GABRA1: variants seen among roughly 807,000 people sequenced by gnomAD.
GABRA1 encodes the protein gamma-aminobutyric acid receptor subunit alpha-1.
Under a neutral mutation model 48.9 loss-of-function variants are expected in GABRA1, and 9 were observed. The ratio of observed to expected loss-of-function variants is 0.18; its 90% confidence interval spans 0.11 to 0.32. The LOEUF (loss-of-function observed/expected upper bound fraction) is 0.32, where lower values mean the gene tolerates loss of function less well. Ranked by LOEUF, GABRA1 falls within the 10% of genes least tolerant of loss-of-function variation. The pLI is 1.00. For missense variants in GABRA1, 285 were observed against 553.8 expected (o/e 0.51, Z 4.87); for synonymous variants, 210 against 198.7 (o/e 1.06, Z -0.48).
chr5:161,849,321 T>C (rs1469072237), intron 1 of GABRA1, among the ~76,000 whole-genome samples: 3 of 152,196 alleles, frequency 2.0e-5, no homozygotes, highest in Non-Finnish European at 4.4e-5. Context: ...AAGTTGTTTT[T>C]CCCTTGTAAC....
intron 6 of GABRA1, 130 bp downstream of exon 6, chr5:161,875,772 T>C (rs892301820): frequency 1.5e-5 from 11 of 736,272 alleles, no homozygotes; most frequent in Non-Finnish European, 2.5e-5. Context: ...ACATGGACTT[T>C]CCATAAGTAG....
chr5:161,897,562 C>A lies in GABRA1; in HGVS notation c.*140C>A. The A allele has an allele frequency of 1.2e-6, 1 of 832,020 alleles. No homozygotes were observed. Among genetic ancestry groups the A allele is most frequent in the Non-Finnish European group, 1.9e-6 (1 of 527,268 alleles). The allele number at this position is 832,020 out of a possible 1,614,324, so 51.5% of individuals were successfully genotyped here. On this transcript the variant is annotated 3_prime_UTR_variant, in exon 10 of 10. Transcript: ENST00000393943. ...CTTATTTTCATAATTCATTTAAGAA[C>A]AAGAGACCCCTGTCTGGCAGTCTGG...
chr5:161,857,311 G>A (rs1462437735), intron 3 of GABRA1, among the ~76,000 whole-genome samples: 1 of 151,352 alleles, frequency 6.6e-6, no homozygotes, highest in Non-Finnish European at 1.5e-5. Context: ...AATGTGATAA[G>A]CTGAGACTTG....
At chr5:161,879,444 G>C (rs11959044) in intron 6 of GABRA1, among the ~76,000 whole-genome samples, 26,586 of 152,000 alleles carry the variant, frequency 0.17, 3,061 homozygotes, top group African/African-American at 0.32. Context: ...ACTTTTTTGG[G>C]GGCATTATAA....
chr5:161,892,891 C>G (rs975565138), intron 8 of GABRA1, among the ~76,000 whole-genome samples: 6 of 151,782 alleles, frequency 4.0e-5, no homozygotes, highest in Non-Finnish European at 8.8e-5. Flanking sequence ...GTAGTCTCAG[C>G]TACTCGGGAG....
intron 5 of GABRA1, among the ~76,000 whole-genome samples, chr5:161,875,277 A>G (rs1453925430): frequency 1.3e-5 from 2 of 152,168 alleles, no homozygotes; most frequent in Non-Finnish European, 2.9e-5. Context: ...GCTATAGCTG[A>G]GTGGATTAAT....
chr5:161,852,760 C>A (rs542958914), intron 2 of GABRA1, among the ~76,000 whole-genome samples: 35 of 151,990 alleles, frequency 2.3e-4, no homozygotes, highest in Admixed American at 2.0e-3. Flanking sequence ...TTACATATAT[C>A]CAATATTATG....
intron 4 of GABRA1, 93 bp from the exon 5 acceptor site, chr5:161,873,024 C>A (rs1486573557): frequency 3.1e-6 from 3 of 958,724 alleles, no homozygotes; most frequent in Non-Finnish European, 5.1e-6. Flanking sequence ...ATTATACTTC[C>A]AAAGTTGCAA....
chr5:161,891,971 T>G (rs1581216332), intron 8 of GABRA1, among the ~76,000 whole-genome samples: 1 of 152,230 alleles, frequency 6.6e-6, no homozygotes, highest in Non-Finnish European at 1.5e-5. Flanking sequence ...TTATTTCCAT[T>G]TTTAAAAGTG....
At chr5:161,888,963 A>G (rs1436105799) in intron 7 of GABRA1, among the ~76,000 whole-genome samples, 1 of 152,050 alleles carries the variant, frequency 6.6e-6, no homozygotes, top group Non-Finnish European at 1.5e-5. Flanking sequence ...GTCATGCTAC[A>G]TAACCAAATA....
At chr5:161,860,638 A>T (rs1757817464) in intron 3 of GABRA1, among the ~76,000 whole-genome samples, 1 of 151,748 alleles carries the variant, frequency 6.6e-6, no homozygotes, top group Admixed American at 6.6e-5. Context: ...AAAAGAGTAT[A>T]ATTGGATTGT....
Position 161,898,970 on chromosome 5 carries a change from A to G in GABRA1, c.*1548A>G, listed in dbSNP as rs559313551. 1.0e-4 allele frequency: 16 copies of G among 152,716 alleles called. No individual in the cohort carries two copies. In the South Asian group the frequency reaches 3.3e-3, roughly 32 times the overall value. The allele number at this position is 152,716 out of a possible 1,614,324, so 9.5% of individuals were successfully genotyped here. On this transcript the variant is annotated 3_prime_UTR_variant, in exon 10 of 10. Transcript: ENST00000393943. Reference sequence around the variant, plus strand: ...AAAAGAGGTCCATTAATACTTCCTTATAAAAATTCTAGTCTGTTTCATTAC... The same window carrying G: ...AAAAGAGGTCCATTAATACTTCCTTGTAAAAATTCTAGTCTGTTTCATTAC...
chr5:161,862,791 A>T (rs1372915985), intron 3 of GABRA1, among the ~76,000 whole-genome samples: 1 of 151,992 alleles, frequency 6.6e-6, no homozygotes, highest in African/African-American at 2.4e-5. Flanking sequence ...TTGGCACCAC[A>T]GTGTTATTTG....
At chr5:161,849,792 C>A (rs1757364352) in intron 1 of GABRA1, among the ~76,000 whole-genome samples, 2 of 152,130 alleles carry the variant, frequency 1.3e-5, no homozygotes, top group Admixed American at 1.3e-4. Context: ...TGCTCCTTAT[C>A]CAGGTAGTGC....
rs1273169421 is a variant in GABRA1, at chr5:161,896,572, CT to C, written c.1060-536del. On this transcript the variant is annotated intron_variant, in intron 9 of 9. Transcript: ENST00000393943. ...ACAAGCGTGACAAAATGCAAGTAAG[CT>C]TTGGGATGCTGTGATGAAGAGCAAA... 5.9e-5 allele frequency among the ~76,000 whole-genome samples: 9 copies of C among 152,218 alleles called. No individual in the cohort carries two copies. In the East Asian group the frequency reaches 1.5e-3, roughly 26 times the overall value.
intron 7 of GABRA1, among the ~76,000 whole-genome samples, chr5:161,884,365 G>T (rs1159580792): frequency 6.6e-6 from 1 of 152,084 alleles, no homozygotes; most frequent in Non-Finnish European, 1.5e-5. Flanking sequence ...AAGTCTAAAA[G>T]AAATTGAACA....
At chr5:161,862,202 A>G (rs1231148600) in intron 3 of GABRA1, among the ~76,000 whole-genome samples, 1 of 151,764 alleles carries the variant, frequency 6.6e-6, no homozygotes, top group Non-Finnish European at 1.5e-5. Context: ...AAGGCTTCCT[A>G]CTGCATCAAA....
intron 6 of GABRA1, among the ~76,000 whole-genome samples, chr5:161,879,777 T>C (rs1754532216): frequency 6.6e-6 from 1 of 152,190 alleles, no homozygotes; most frequent in South Asian, 2.1e-4. Context: ...CATTTTCATA[T>C]GCAATGGTGC....
At chr5:161,884,121 G>A (rs1754735311) in intron 7 of GABRA1, among the ~76,000 whole-genome samples, 1 of 152,072 alleles carries the variant, frequency 6.6e-6, no homozygotes, top group South Asian at 2.1e-4. Context: ...ATTGCAGAGT[G>A]TTATATAATA....
Sources: allele counts gnomAD v4.1 joint callset (sites outside exome capture counted in the v4.1 genomes callset), GRCh38; gene constraint gnomAD v4.1.1; transcripts MANE v1.5; gene names NCBI Gene and HGNC (gene_info 2026-07-23, HGNC 2026-07-21).